TYW1: variants seen among roughly 807,000 people sequenced by gnomAD.
The protein encoded by TYW1 is tRNA-yW synthesizing protein 1 homolog.
TYW1 carries 46 observed loss-of-function variants against 96.2 expected under a neutral mutation model. That is an observed-to-expected ratio of 0.48 (90% CI 0.38 to 0.61). The LOEUF is 0.61. Among genes scored for constraint, TYW1 ranks in the 20% least tolerant of loss-of-function variants. The pLI, the probability that TYW1 is intolerant of heterozygous loss-of-function variation, is 0.00. For missense variants in TYW1, 684 were observed against 909.6 expected (o/e 0.75, Z 3.19); for synonymous variants, 274 against 323.0 (o/e 0.85, Z 1.63).
chr7:67,008,971 C>T (rs1314319869), intron 3 of TYW1, among the ~76,000 whole-genome samples: 1 of 151,988 alleles, frequency 6.6e-6, no homozygotes, highest in South Asian at 2.1e-4. Context: ...CCATTCTTCA[C>T]TATTTCTTTT....
chr7:67,100,107 G>T (rs1344485029), intron 12 of TYW1, among the ~76,000 whole-genome samples: 3 of 152,116 alleles, frequency 2.0e-5, no homozygotes, highest in Admixed American at 6.5e-5. Flanking sequence ...TACACTGAGG[G>T]TTCCAGCCAT....
At chr7:67,212,877 TA>T (rs869239468) in intron 15 of TYW1, among the ~76,000 whole-genome samples, 7 of 152,130 alleles carry the variant, frequency 4.6e-5, no homozygotes, top group Admixed American at 2.0e-4. Flanking sequence ...TTTATTTATT[TA>T]TTTTTTTATG....
intron 15 of TYW1, among the ~76,000 whole-genome samples, chr7:67,197,083 C>A (rs1800418458): frequency 6.6e-6 from 1 of 152,224 alleles, no homozygotes; most frequent in Non-Finnish European, 1.5e-5. Context: ...GGGCTTTAAT[C>A]TTGGCCCCTG....
intron 11 of TYW1, among the ~76,000 whole-genome samples, chr7:67,097,202 T>A (rs1056606616): frequency 5.3e-5 from 8 of 152,046 alleles, no homozygotes; most frequent in Non-Finnish European, 1.0e-4. Flanking sequence ...TGATCTGAGC[T>A]GTGGCCTGGA....
rs189124658 is a variant in TYW1, at chr7:67,113,306, A to G, written c.1563-4177A>G. On this transcript the variant is annotated intron_variant, in intron 12 of 15. Transcript: ENST00000359626. ...GCTGAGCCTCTTGGCCTCAGTGTGC[A>G]GTTCATAGTAATCCCTGAATAAATG... Among the ~76,000 whole-genome samples, 11 of 152,288 alleles carry G rather than the reference A, an allele frequency of 7.2e-5. No individual in the cohort carries two copies. The East Asian group carries it at 2.1e-3, about 29-fold the overall frequency.
At position 67,011,340 on chromosome 7, in the gene TYW1, A is replaced by G. The variant is rs533436329; in HGVS notation, c.375+1656A>G. ...GGCATGAGCCACTGCGCCCAGGCGC[A>G]TTACTTAATATCTATGAGGGTTTAA... On this transcript the variant is annotated intron_variant, in intron 4 of 15. Transcript: ENST00000359626. Among the ~76,000 whole-genome samples, 134 of 152,310 alleles carry G rather than the reference A, an allele frequency of 8.8e-4. 1 individual carries two copies. The highest frequency in any genetic ancestry group is 7.2e-3 in the Admixed American group (110 of 15,292).
intron 4 of TYW1, among the ~76,000 whole-genome samples, chr7:67,013,999 T>C (rs1282157566): frequency 3.3e-5 from 5 of 152,268 alleles, no homozygotes; most frequent in African/African-American, 9.6e-5. Flanking sequence ...CGCCTCAGCC[T>C]CCCAAAGTGC....
At chr7:67,225,951 G>C (rs992170388) in intron 15 of TYW1, among the ~76,000 whole-genome samples, 2 of 150,916 alleles carry the variant, frequency 1.3e-5, no homozygotes, top group South Asian at 4.2e-4. Context: ...GCAATCACAA[G>C]TCTGCCCTTG....
intron 13 of TYW1, among the ~76,000 whole-genome samples, chr7:67,128,145 C>T (rs1184165205): frequency 6.6e-6 from 1 of 152,136 alleles, no homozygotes; most frequent in East Asian, 1.9e-4. Flanking sequence ...TCTTTTCTCT[C>T]TTTCTTTTCC....
chr7:67,067,439 G>A (rs376912983), intron 10 of TYW1, 36 bp downstream of exon 10: 1 of 1,610,584 alleles, frequency 6.2e-7, no homozygotes, highest in Non-Finnish European at 8.5e-7. Flanking sequence ...GATCGAATAT[G>A]TAATGAGCTG....
At chr7:67,186,802 T>G (rs1254850144) in intron 14 of TYW1, among the ~76,000 whole-genome samples, 14 of 152,166 alleles carry the variant, frequency 9.2e-5, no homozygotes, top group Admixed American at 9.2e-4. Context: ...CTAGCTAAGA[T>G]GCTATTAACA....
intron 11 of TYW1, among the ~76,000 whole-genome samples, chr7:67,093,292 A>G (rs1796781969): frequency 6.6e-6 from 1 of 152,198 alleles, no homozygotes; most frequent in Non-Finnish European, 1.5e-5. Flanking sequence ...AGCTTATTTC[A>G]TTTAATTGTT....
chr7:67,024,125 C>G (rs1466184607), intron 6 of TYW1, among the ~76,000 whole-genome samples: 1 of 152,028 alleles, frequency 6.6e-6, no homozygotes, highest in Non-Finnish European at 1.5e-5. Flanking sequence ...GTTAGTTGTT[C>G]CCACTCCATC....
At chr7:67,222,858 C>CTTTCTTTCTTTCT (rs1563078442) in intron 15 of TYW1, among the ~76,000 whole-genome samples, 3 of 101,570 alleles carry the variant, frequency 3.0e-5, no homozygotes, top group African/African-American at 8.2e-5. Context: ...TCTCTGTTCG[C>CTTTCTTTCTTTCT]TTTTTTTCTT....
chr7:67,049,673 A>T (rs1584501534), intron 7 of TYW1, among the ~76,000 whole-genome samples: 1 of 151,854 alleles, frequency 6.6e-6, no homozygotes, highest in East Asian at 1.9e-4. Context: ...CAGCCTCCTG[A>T]GTAGCTGGGA....
At chr7:67,016,116 C>T (rs1794014885) in intron 5 of TYW1, among the ~76,000 whole-genome samples, 1 of 151,648 alleles carries the variant, frequency 6.6e-6, no homozygotes, top group African/African-American at 2.4e-5. Flanking sequence ...CTGTTCTCTA[C>T]ACTTGAAAAA....
chr7:67,214,591 G>A (rs1465926370), intron 15 of TYW1, among the ~76,000 whole-genome samples: 1 of 152,082 alleles, frequency 6.6e-6, no homozygotes, highest in Non-Finnish European at 1.5e-5. Flanking sequence ...CTTAATGGGG[G>A]AATATCTAGC....
chr7:67,122,851 C>G (rs1797800557), intron 13 of TYW1, among the ~76,000 whole-genome samples: 1 of 152,166 alleles, frequency 6.6e-6, no homozygotes, highest in African/African-American at 2.4e-5. Context: ...AGGACAAAGT[C>G]TCAGCTACTC....
chr7:67,006,511 C>G (rs1165611165), intron 3 of TYW1, among the ~76,000 whole-genome samples: 1 of 140,498 alleles, frequency 7.1e-6, no homozygotes, highest in African/African-American at 2.7e-5. Context: ...GTGATCTCGG[C>G]TCACTGCGGC....
Sources: gnomAD v4.1 joint callset for allele counts (sites outside exome capture counted in the v4.1 genomes callset) on GRCh38, gnomAD v4.1.1 for gene constraint, MANE v1.5 for transcripts, NCBI Gene and HGNC (gene_info 2026-07-23, HGNC 2026-07-21) for gene names.